Variants in EPCIP observed in about 807,000 individuals in gnomAD.
EPCIP encodes exosomal polycystin 1 interacting protein, also known as exosomal polycystin-1-interacting protein.
the EPCIP span, among the ~76,000 whole-genome samples, chr21:32,812,119 TCAGAGAG>T: frequency 2.0e-5 from 3 of 152,248 alleles, no homozygotes; most frequent in African/African-American, 7.2e-5. Flanking sequence ...CAAAGAATTC[TCAGAGAG>T]TGAGCCACTG....
At chr21:32,813,285 T>A in the EPCIP span, among the ~76,000 whole-genome samples, 4 of 152,238 alleles carry the variant, frequency 2.6e-5, no homozygotes, top group Non-Finnish European at 2.9e-5. Context: ...AGTGAGTTTA[T>A]CTTTTTAGGG....
chr21:32,809,274 T>C, the EPCIP span, among the ~76,000 whole-genome samples: 5 of 99,988 alleles, frequency 5.0e-5, no homozygotes, highest in African/African-American at 1.8e-4. Context: ...CTTCCCTCCC[T>C]CCTTCCTTTC....
the EPCIP span, among the ~76,000 whole-genome samples, chr21:32,806,964 G>A: frequency 2.0e-5 from 3 of 152,214 alleles, no homozygotes; most frequent in Non-Finnish European, 2.9e-5. Flanking sequence ...TGGCAGACAA[G>A]AGAAGAGTGA....
the EPCIP span, among the ~76,000 whole-genome samples, chr21:32,806,076 C>T: frequency 7.9e-5 from 12 of 152,184 alleles, no homozygotes; most frequent in South Asian, 6.2e-4. Flanking sequence ...CCAGCCCAAA[C>T]GTATGCCTGA....
chr21:32,812,533 C>T, the EPCIP span, among the ~76,000 whole-genome samples: 1 of 152,038 alleles, frequency 6.6e-6, no homozygotes, highest in South Asian at 2.1e-4. Context: ...TTTATTGAAA[C>T]TGTTATTTTC....
the EPCIP span, chr21:32,797,999 C>A: frequency 6.6e-6 from 1 of 152,152 alleles, no homozygotes; most frequent in South Asian, 2.1e-4. Context: ...AGCTGAGCAA[C>A]CTCTCAAGAA....
At chr21:32,806,406 A>G in the EPCIP span, among the ~76,000 whole-genome samples, 2 of 152,232 alleles carry the variant, frequency 1.3e-5, no homozygotes, top group African/African-American at 4.8e-5. Context: ...GGACAGAAGC[A>G]GATGAAAGGA....
the EPCIP span, among the ~76,000 whole-genome samples, chr21:32,811,482 C>A: frequency 6.6e-6 from 1 of 152,152 alleles, no homozygotes; most frequent in Non-Finnish European, 1.5e-5. Context: ...GGTTAAATAA[C>A]TTGTCCAAGG....
chr21:32,793,898 A>T, the EPCIP span: 1 of 1,614,208 alleles, frequency 6.2e-7, no homozygotes, highest in Non-Finnish European at 8.5e-7. Context: ...GTCCCTGTTG[A>T]AAAGAGCCAT....
chr21:32,793,242 C>T, the EPCIP span, among the ~76,000 whole-genome samples: 3 of 152,192 alleles, frequency 2.0e-5, no homozygotes, highest in African/African-American at 7.2e-5. Flanking sequence ...CAGGTGTGAG[C>T]CACTGTGCCC....
the EPCIP span, chr21:32,810,778 T>A: frequency 2.4e-6 from 1 of 411,748 alleles, no homozygotes; most frequent in Non-Finnish European, 5.0e-6. Context: ...CTAGTAGACA[T>A]CTCCAACTTA....
At chr21:32,805,250 C>G in the EPCIP span, among the ~76,000 whole-genome samples, 1 of 152,186 alleles carries the variant, frequency 6.6e-6, no homozygotes, top group Non-Finnish European at 1.5e-5. Flanking sequence ...AGGAACCAGG[C>G]CTACTGACAC....
the EPCIP span, among the ~76,000 whole-genome samples, chr21:32,800,644 T>A: frequency 6.6e-6 from 1 of 152,098 alleles, no homozygotes; most frequent in Non-Finnish European, 1.5e-5. Context: ...GGTGAAACCC[T>A]GTCTCTACTA....
At chr21:32,812,332 G>T in the EPCIP span, among the ~76,000 whole-genome samples, 1 of 152,182 alleles carries the variant, frequency 6.6e-6, no homozygotes, top group East Asian at 1.9e-4. Flanking sequence ...CCACAGAACT[G>T]TGAGGCCTGC....
chr21:32,794,219 G>A, the EPCIP span: 2 of 1,614,256 alleles, frequency 1.2e-6, no homozygotes, highest in Non-Finnish European at 1.7e-6. Context: ...TACTGCAAGG[G>A]GCAGGACGGT....
chr21:32,803,006 T>A, the EPCIP span, among the ~76,000 whole-genome samples: 1 of 152,026 alleles, frequency 6.6e-6, no homozygotes. Flanking sequence ...AAAACATAGC[T>A]CATTTTCTCA....
the EPCIP span, among the ~76,000 whole-genome samples, chr21:32,811,772 G>C: frequency 4.8e-3 from 737 of 152,352 alleles, 9 homozygotes; most frequent in South Asian, 0.025. Flanking sequence ...GGAGCTTTAA[G>C]GGGTGACCTT....
the EPCIP span, chr21:32,791,450 A>C: frequency 6.6e-6 from 1 of 152,200 alleles, no homozygotes; most frequent in Non-Finnish European, 1.5e-5. Context: ...GTAACTAATG[A>C]CAATGAATAT....
the EPCIP span, among the ~76,000 whole-genome samples, chr21:32,800,927 C>T: frequency 3.3e-3 from 506 of 152,270 alleles, 2 homozygotes; most frequent in Non-Finnish European, 5.9e-3. Flanking sequence ...CTACTTATTG[C>T]GTCTTACAAC....
Sources: gnomAD v4.1 joint callset for allele counts (sites outside exome capture counted in the v4.1 genomes callset) on GRCh38, gnomAD v4.1.1 for gene constraint, MANE v1.5 for transcripts, NCBI Gene and HGNC (gene_info 2026-07-23, HGNC 2026-07-21) for gene names.